Variants in TMEM74 observed in about 807,000 individuals in gnomAD.
TMEM74 encodes transmembrane protein 74.
In TMEM74, 13 loss-of-function variants were observed where a neutral mutation model predicts 18.1. The observed-to-expected ratio is 0.72, with a 90% CI of 0.47 to 1.14. TMEM74 has a LOEUF of 1.14. Ranked by LOEUF, TMEM74 falls within the 50% of genes most tolerant of loss-of-function variation. The probability of loss-of-function intolerance (pLI) is 0.00; values close to 1 mark genes in which losing one functional copy is unlikely to be tolerated. For missense variants in TMEM74, 372 were observed against 375.9 expected, an observed-to-expected ratio of 0.99 and a Z score of 0.09; for synonymous variants, 159 against 146.6, an observed-to-expected ratio of 1.08 and a Z score of -0.61.
intron 1 of TMEM74, among the ~76,000 whole-genome samples, chr8:108,680,780 C>G (rs1813105649): frequency 6.6e-6 from 1 of 152,068 alleles, no homozygotes; most frequent in Non-Finnish European, 1.5e-5. Context: ...TCGTCTTAGC[C>G]CAAAATCTCC....
chr8:108,612,480 A>T (rs1812343530), intron 2 of TMEM74, among the ~76,000 whole-genome samples: 1 of 152,214 alleles, frequency 6.6e-6, no homozygotes, highest in Non-Finnish European at 1.5e-5. Context: ...AATTGCATGT[A>T]GCTAACCAAT....
intron 1 of TMEM74, among the ~76,000 whole-genome samples, chr8:108,750,374 T>A (rs935311355): frequency 2.0e-5 from 3 of 152,154 alleles, no homozygotes; most frequent in Non-Finnish European, 2.9e-5. Context: ...AGAAACTACT[T>A]GTTGCATCAA....
At chr8:108,756,650 G>GAAAGAGAAAGAAAGAA (rs1283223577) in intron 1 of TMEM74, among the ~76,000 whole-genome samples, 2 of 27,110 alleles carry the variant, frequency 7.4e-5, no homozygotes, top group Middle Eastern at 0.021. Flanking sequence ...AAGAAAGAAA[G>GAAAGAGAAAGAAAGAA]AGAAAGAAAG....
At chr8:108,663,993 T>C (rs1812925705) in intron 1 of TMEM74, among the ~76,000 whole-genome samples, 1 of 152,104 alleles carries the variant, frequency 6.6e-6, no homozygotes, top group South Asian at 2.1e-4. Context: ...TTGGGAAGAA[T>C]AGCTAGTGGA....
At chr8:108,785,374 C>T (rs979802565) in intron 1 of TMEM74, among the ~76,000 whole-genome samples, 5 of 152,070 alleles carry the variant, frequency 3.3e-5, no homozygotes, top group African/African-American at 7.2e-5. Flanking sequence ...TAGAAAGGTG[C>T]GTGGAGGAAG....
At position 108,756,695 on chromosome 8, in the gene TMEM74, A is replaced by AGAAAGAAAGAAG. The variant is rs1398631410; in HGVS notation, n.119+30780_119+30781insCTTCTTTCTTTC. ...AAGAAAGAAAGAAAGAAAGAAAGAA[A>AGAAAGAAAGAAG]GAAGGAAGGAAAGAAAGAAAGAAAG... is the stretch of plus-strand genomic sequence containing the variant. On this transcript the variant is annotated intron_variant and non_coding_transcript_variant, in intron 1 of 3. Coordinates refer to the TMEM74 transcript ENST00000518838. Among the ~76,000 whole-genome samples the AGAAAGAAAGAAG allele has an allele frequency of 7.0e-3, 589 of 84,454 alleles. 8 individuals are homozygous for AGAAAGAAAGAAG. Among genetic ancestry groups the AGAAAGAAAGAAG allele is most frequent in the East Asian group, 0.019 (44 of 2,312 alleles). 55.4% of individuals were successfully genotyped at this position (84,454 alleles called of 152,430 possible). A position where few individuals can be genotyped will look rare whatever the true frequency, so the allele number is the denominator to read the frequency against.
intron 1 of TMEM74, among the ~76,000 whole-genome samples, chr8:108,769,407 C>T (rs1369702179): frequency 6.6e-6 from 1 of 152,090 alleles, no homozygotes; most frequent in East Asian, 1.9e-4. Flanking sequence ...TCAGCAAGCG[C>T]ACTTTTCCTT....
intron 2 of TMEM74, among the ~76,000 whole-genome samples, chr8:108,638,780 TCTGTGATGCGGTGTGGTGGG>T (rs1444926749): frequency 3.9e-5 from 6 of 152,152 alleles, no homozygotes; most frequent in Non-Finnish European, 8.8e-5. Context: ...TTCACACAGG[TCTGTGATGCGGTGTGGTGGG>T]CTGATCGCAT....
chr8:108,634,076 C>T (rs1051353060), intron 2 of TMEM74, among the ~76,000 whole-genome samples: 2 of 151,930 alleles, frequency 1.3e-5, no homozygotes, highest in African/African-American at 4.8e-5. Flanking sequence ...TGAGGCTACT[C>T]ACTGACATTT....
chr8:108,718,962 TTG>T (rs1166032284), intron 1 of TMEM74, among the ~76,000 whole-genome samples: 2 of 84,750 alleles, frequency 2.4e-5, no homozygotes, highest in African/African-American at 4.6e-5. Flanking sequence ...TAATAACATT[TTG>T]TGTGTGTATA....
intron 2 of TMEM74, among the ~76,000 whole-genome samples, chr8:108,640,617 T>C (rs915283367): frequency 1.3e-5 from 2 of 152,236 alleles, no homozygotes; most frequent in Middle Eastern, 3.4e-3. Context: ...GCTCAGGGCA[T>C]TAAATATATG....
At chr8:108,770,222 G>A (rs1814156446) in intron 1 of TMEM74, among the ~76,000 whole-genome samples, 1 of 152,096 alleles carries the variant, frequency 6.6e-6, no homozygotes, top group African/African-American at 2.4e-5. Flanking sequence ...AAAAGCTACA[G>A]AGTGGGTCCA....
At chr8:108,719,859 C>G (rs1813568814) in intron 1 of TMEM74, among the ~76,000 whole-genome samples, 1 of 152,106 alleles carries the variant, frequency 6.6e-6, no homozygotes, top group African/African-American at 2.4e-5. Context: ...TTCCTCTAAA[C>G]AGGTTATACC....
At chr8:108,707,424 A>C (rs973258093) in intron 1 of TMEM74, among the ~76,000 whole-genome samples, 2 of 152,178 alleles carry the variant, frequency 1.3e-5, no homozygotes, top group African/African-American at 2.4e-5. Flanking sequence ...CATTCTAAAA[A>C]ACCAAACACG....
At chr8:108,744,386 C>T (rs536189090) in intron 1 of TMEM74, among the ~76,000 whole-genome samples, 90 of 152,118 alleles carry the variant, frequency 5.9e-4, no homozygotes, top group Middle Eastern at 6.8e-3. Flanking sequence ...AGGGTGCCTC[C>T]GGGAAAAACA....
At chr8:108,706,213 T>C (rs1260768346) in intron 1 of TMEM74, among the ~76,000 whole-genome samples, 1 of 152,252 alleles carries the variant, frequency 6.6e-6, no homozygotes, top group Non-Finnish European at 1.5e-5. Flanking sequence ...GTATCTGTTT[T>C]AAAAATATTT....
At chr8:108,608,846 G>A (rs1407652982) in intron 2 of TMEM74, 1 of 152,030 alleles carries the variant, frequency 6.6e-6, no homozygotes, top group African/African-American at 2.4e-5. Flanking sequence ...GAATGAATCA[G>A]AAACATGTGG....
intron 2 of TMEM74, among the ~76,000 whole-genome samples, chr8:108,619,492 A>G (rs920821743): frequency 1.3e-5 from 2 of 152,210 alleles, no homozygotes; most frequent in African/African-American, 4.8e-5. Flanking sequence ...CCACTGTGAC[A>G]TATGTGACAG....
At chr8:108,730,112 A>G (rs556222059) in intron 1 of TMEM74, among the ~76,000 whole-genome samples, 1 of 152,368 alleles carries the variant, frequency 6.6e-6, no homozygotes, top group Non-Finnish European at 1.5e-5. Context: ...TAAAAAGGAA[A>G]ACATTTCAGG....
Sources: gnomAD v4.1 joint callset for allele counts (sites outside exome capture counted in the v4.1 genomes callset) on GRCh38, gnomAD v4.1.1 for gene constraint, MANE v1.5 for transcripts, NCBI Gene and HGNC (gene_info 2026-07-23, HGNC 2026-07-21) for gene names.